The following IMPG1 variants were observed in gnomAD, a reference collection of about 807,000 sequenced individuals.
IMPG1 encodes the protein interphotoreceptor matrix proteoglycan 1.
IMPG1 carries 85 observed loss-of-function variants against 92.0 expected under a neutral mutation model. The ratio of observed to expected loss-of-function variants is 0.92; its 90% CI spans 0.78 to 1.11. The LOEUF is 1.11. Among genes scored for constraint, IMPG1 ranks in the 50% least tolerant of loss-of-function variants. The pLI, the probability that IMPG1 is intolerant of heterozygous loss-of-function variation, is 0.00. For missense variants in IMPG1, 1,022 were observed against 956.0 expected, an observed-to-expected ratio of 1.07 and a Z score of -0.91; for synonymous variants, 367 against 334.1, an observed-to-expected ratio of 1.10 and a Z score of -1.08.
intron 12 of IMPG1, among the ~76,000 whole-genome samples, chr6:75,992,336 C>T (rs1782826218): frequency 6.6e-6 from 1 of 152,158 alleles, no homozygotes; most frequent in Non-Finnish European, 1.5e-5. Flanking sequence ...TCCATTCCAG[C>T]ATGAAATTCA....
chr6:76,020,774 G>A (rs1299038141), intron 6 of IMPG1, among the ~76,000 whole-genome samples: 1 of 152,118 alleles, frequency 6.6e-6, no homozygotes, highest in Non-Finnish European at 1.5e-5. Context: ...GGGGAGTCAT[G>A]CCCTACAAAC....
At chr6:75,972,240 C>T (rs1322140966) in intron 12 of IMPG1, among the ~76,000 whole-genome samples, 1 of 152,108 alleles carries the variant, frequency 6.6e-6, no homozygotes, top group Non-Finnish European at 1.5e-5. Flanking sequence ...CTGTAGGAAC[C>T]AAAAAGTGCC....
Position 75,955,088 on chromosome 6 carries a change from C to T in IMPG1, c.1292-3994G>A, listed in dbSNP as rs1037155686. On this transcript the variant is annotated intron_variant, in intron 12 of 16. Transcript: ENST00000369950. ...TTCTTTTTGCTTAGAATTATCTTAGCCATACAGGCTCTTTTTTGGTCCCAT... is the reference window on the plus strand; with the variant it reads ...TTCTTTTTGCTTAGAATTATCTTAGTCATACAGGCTCTTTTTTGGTCCCAT... Among the ~76,000 whole-genome samples, 8 of 152,120 alleles carry T rather than the reference C, an allele frequency of 5.3e-5. 1 individual carries two copies. The highest frequency in any genetic ancestry group is 1.9e-4 in the African/African-American group (8 of 41,438).
intron 12 of IMPG1, among the ~76,000 whole-genome samples, chr6:75,953,591 CT>C (rs199629641): frequency 2.6e-5 from 4 of 151,370 alleles, no homozygotes; most frequent in African/African-American, 7.3e-5. Flanking sequence ...TGAACTCATC[CT>C]TTTTTTCCCT....
chr6:75,937,693 A>T (rs9343337), intron 14 of IMPG1, among the ~76,000 whole-genome samples: 39,371 of 152,202 alleles, frequency 0.26, 5,642 homozygotes, highest in Non-Finnish European at 0.34. Flanking sequence ...GATGAGTGAC[A>T]TATACCACTT....
At chr6:76,035,001 TGTGTGTGTGTGTGTGC>T (rs1345877337) in intron 2 of IMPG1, among the ~76,000 whole-genome samples, 19 of 150,596 alleles carry the variant, frequency 1.3e-4, no homozygotes, top group Admixed American at 1.3e-3. Context: ...ATTATGTGCG[TGTGTGTGTGTGTGTGC>T]GTGTGTGTGT....
At chr6:76,053,294 G>A (rs980073360) in intron 1 of IMPG1, among the ~76,000 whole-genome samples, 1 of 152,172 alleles carries the variant, frequency 6.6e-6, no homozygotes, top group Non-Finnish European at 1.5e-5. Flanking sequence ...CACTGTTATA[G>A]CCTAGGTTGA....
Position 75,931,119 on chromosome 6 carries a change from A to G in IMPG1, c.2077T>C (p.Cys693Arg). Residue 693 changes from cysteine to arginine, a missense_variant, in exon 15 of 17, where the codon TGC becomes CGC. By Grantham distance (180) the Cys-to-Arg change is radical. This residue lies in a region of IMPG1 where 332 missense variants were observed against 346.2 expected (regional missense o/e 0.96). Coordinates refer to ENST00000369950, the MANE Select transcript of IMPG1 (RefSeq NM_001563.4). ...TTTACACATTGGGCAAATTCGCCGC[A>G]GGCCAGGAACTTGCAGGGATCTGCT... ...DQADPCKFLA[C>R]GEFAQCVKNE... 4 of 1,613,964 alleles carry G rather than the reference A, an allele frequency of 2.5e-6. No individual in the cohort carries two copies. Among genetic ancestry groups the G allele is most frequent in the Non-Finnish European group, 3.4e-6 (4 of 1,179,904 alleles).
At chr6:76,031,027 C>A (rs1233163521) in intron 4 of IMPG1, among the ~76,000 whole-genome samples, 1 of 152,120 alleles carries the variant, frequency 6.6e-6, no homozygotes, top group African/African-American at 2.4e-5. Context: ...CCTGCTTCCC[C>A]CTTTTCTTCC....
intron 2 of IMPG1, among the ~76,000 whole-genome samples, chr6:76,040,270 A>G (rs1783812873): frequency 6.6e-6 from 1 of 152,196 alleles, no homozygotes; most frequent in South Asian, 2.1e-4. Flanking sequence ...AGAGCTAAAA[A>G]TTTTGTTGCA....
chr6:76,022,804 A>G (rs1419306014), intron 5 of IMPG1, among the ~76,000 whole-genome samples: 1 of 152,248 alleles, frequency 6.6e-6, no homozygotes, highest in Non-Finnish European at 1.5e-5. Context: ...AAGCGTTATT[A>G]TAATACAAAT....
chr6:75,971,274 T>C (rs571614216), intron 12 of IMPG1, among the ~76,000 whole-genome samples: 7 of 134,018 alleles, frequency 5.2e-5, no homozygotes, highest in African/African-American at 1.4e-4. Context: ...ACAATGAGAA[T>C]ACATGGACAC....
chr6:75,951,605 A>C (rs1782032798), intron 12 of IMPG1, among the ~76,000 whole-genome samples: 1 of 152,208 alleles, frequency 6.6e-6, no homozygotes, highest in Admixed American at 6.6e-5. Context: ...TTTTGGTTAC[A>C]ATAATGATGT....
At chr6:75,982,637 G>T (rs1782647889) in intron 12 of IMPG1, among the ~76,000 whole-genome samples, 1 of 150,876 alleles carries the variant, frequency 6.6e-6, no homozygotes, top group South Asian at 2.1e-4. Flanking sequence ...ATATATGTGT[G>T]TGTATATATA....
chr6:76,031,578 T>A (rs1783653932), intron 4 of IMPG1, among the ~76,000 whole-genome samples: 1 of 152,238 alleles, frequency 6.6e-6, no homozygotes, highest in Non-Finnish European at 1.5e-5. Context: ...TTGTTATTTT[T>A]TTCTGGTATT....
chr6:75,943,502 G>C (rs1311853933), intron 14 of IMPG1, among the ~76,000 whole-genome samples: 4 of 152,154 alleles, frequency 2.6e-5, no homozygotes, highest in African/African-American at 4.8e-5. Context: ...TTTGCCTTTT[G>C]CCATGAGTGG....
chr6:75,939,535 C>A (rs1030037974), intron 14 of IMPG1, among the ~76,000 whole-genome samples: 2 of 152,138 alleles, frequency 1.3e-5, no homozygotes, highest in African/African-American at 4.8e-5. Flanking sequence ...TGAAATCATC[C>A]TTTTTTATGG....
At chr6:76,030,910 T>C (rs758765242) in intron 4 of IMPG1, among the ~76,000 whole-genome samples, 3 of 152,136 alleles carry the variant, frequency 2.0e-5, no homozygotes, top group Non-Finnish European at 4.4e-5. Context: ...GTAGAGCCTC[T>C]GGAAGTTCAT....
chr6:76,045,424 GAACA>G (rs1400255346), intron 1 of IMPG1, among the ~76,000 whole-genome samples: 1 of 142,496 alleles, frequency 7.0e-6, no homozygotes, highest in Non-Finnish European at 1.5e-5. Context: ...TCTCTTGGCT[GAACA>G]AACAACCTCC....
Sources: allele counts gnomAD v4.1 joint callset (sites outside exome capture counted in the v4.1 genomes callset), GRCh38; gene constraint gnomAD v4.1.1; regional missense constraint gnomAD v4.1.1; transcripts MANE v1.5; gene names NCBI Gene and HGNC (gene_info 2026-07-23, HGNC 2026-07-21).